CREBZF: variants seen among roughly 807,000 people sequenced by gnomAD.
CREBZF encodes the protein CREB/ATF bZIP transcription factor.
Under a neutral mutation model 21.1 loss-of-function variants are expected in CREBZF, and 8 were observed. The observed-to-expected ratio is 0.38, with a 90% CI of 0.22 to 0.68. The LOEUF is 0.68. Ranked by LOEUF, CREBZF falls within the 30% of genes least tolerant of loss-of-function variation. CREBZF has a pLI of 0.51. For missense variants in CREBZF, 518 were observed against 484.3 expected, an observed-to-expected ratio of 1.07 and a Z score of -0.65; for synonymous variants, 270 against 223.3, an observed-to-expected ratio of 1.21 and a Z score of -1.86.
rs2082699549 is a variant in CREBZF at position 85,662,020 on chromosome 11, C to T, written c.*1791G>A. ...ATTCAGTAGGCACTAAAAACCCATG[C>T]AGCTGCATTGTGAGGGGCTTGCTCC... On this transcript the variant is annotated 3_prime_UTR_variant, in exon 1 of 1. Coordinates refer to ENST00000527447, the MANE Select transcript of CREBZF (RefSeq NM_001039618.4). 6.3e-6 allele frequency: 1 copy of T among 159,978 alleles called. No homozygotes were observed. The highest frequency in any genetic ancestry group is 1.4e-5 in the Non-Finnish European group (1 of 72,518). The allele number at this position is 159,978 out of a possible 1,614,324, so 9.9% of individuals were successfully genotyped here.
intron 1 of CREBZF, among the ~76,000 whole-genome samples, chr11:85,673,306 G>A (rs2082924174): frequency 6.6e-6 from 1 of 152,152 alleles, no homozygotes. Flanking sequence ...AATGATAAAT[G>A]TACAGGCATA....
rs553072253 is a variant in CREBZF, at chr11:85,664,319, C to G, written c.557G>C (p.Arg186Pro). The G allele has an allele frequency of 2.2e-5, 35 of 1,611,912 alleles. 1 individual carries two copies. Among genetic ancestry groups the G allele is most frequent in the African/African-American group, 1.7e-4 (13 of 74,984 alleles). The stretch of plus-strand genomic sequence containing the variant: ...GCCGCCTCCTCCTGGGGACTTTCTC[C>G]GCCTCTTTTCGGCGCTGCCACTGTC... ...SSDSGSAEKR[R>P]RKSPGGGGGG... Residue 186 changes from arginine (R) to proline (P), a missense_variant, in exon 1 of 1, where the codon CGG (arginine) becomes CCG (proline). Transcript: ENST00000527447. This position sits in a 1 kb window ranked among gnomAD's most constrained non-coding sequence, Gnocchi z 5.5.
chr11:85,673,350 C>G (rs2082924438), intron 1 of CREBZF, among the ~76,000 whole-genome samples: 3 of 152,148 alleles, frequency 2.0e-5, no homozygotes, highest in Admixed American at 6.5e-5. Context: ...TTCCAGACCA[C>G]CACAATAAAG....
chr11:85,667,851 T>A (rs1208487375), upstream of CREBZF, among the ~76,000 whole-genome samples: 2 of 152,072 alleles, frequency 1.3e-5, no homozygotes, highest in African/African-American at 4.8e-5. Flanking sequence ...ATGCCTGTAA[T>A]CCCAGCTACT....
chr11:85,664,768 G>A lies in CREBZF; in HGVS notation c.108C>T (p.Thr36=), dbSNP rs762118747. ...TCTCCTCCTCCCCCGCTGCAGCCCG[G>A]GTCAGGTCAGAGGGCAGCGAACAAG... is the stretch of plus-strand genomic sequence containing the variant. ...AATCSLPSDL[T]RAAAGEEETA... Residue 36 remains threonine, a synonymous_variant, in exon 1 of 1, where the codon ACC becomes ACT. Coordinates refer to ENST00000527447, the MANE Select transcript of CREBZF (RefSeq NM_001039618.4). This position sits in a 1 kb window ranked among gnomAD's most constrained non-coding sequence, Gnocchi z 5.5. The A allele has an allele frequency of 3.7e-6, 6 of 1,606,350 alleles. No homozygotes were observed. The East Asian group carries it at 6.7e-5, about 18-fold the overall frequency.
chr11:85,679,809 C>G (rs1204622398), intron 1 of CREBZF, among the ~76,000 whole-genome samples: 1 of 152,212 alleles, frequency 6.6e-6, no homozygotes, highest in Non-Finnish European at 1.5e-5. Context: ...TTGGCTTTAT[C>G]TAAAATATGC....
chr11:85,668,433 T>C (rs2082886946), upstream of CREBZF, among the ~76,000 whole-genome samples: 1 of 152,216 alleles, frequency 6.6e-6, no homozygotes, highest in Non-Finnish European at 1.5e-5. Flanking sequence ...TATTTGTCTT[T>C]TCTGTTAAAT....
rs1386221059 is a variant in CREBZF at position 85,660,342 on chromosome 11, T to C, written c.*3469A>G. 5.0e-6 allele frequency: 1 copy of C among 199,710 alleles called. No individual in the cohort carries two copies. The highest frequency in any genetic ancestry group is 2.4e-5 in the African/African-American group (1 of 41,930). 12.4% of individuals were successfully genotyped at this position (199,710 alleles called of 1,614,324 possible). On this transcript the variant is annotated 3_prime_UTR_variant, in exon 1 of 1. Transcript: ENST00000527447. ...ACTCCCATGAAAGACAAAAAAAGTATAATTTTGTTCCAAGATTAACTTAGT... is the reference window on the plus strand; with the variant it reads ...ACTCCCATGAAAGACAAAAAAAGTACAATTTTGTTCCAAGATTAACTTAGT...
In CREBZF at chr11:85,661,285, T is replaced by G. The variant is rs2082670374; in HGVS notation, c.*2526A>C. 6.6e-6 allele frequency: 1 copy of G among 151,764 alleles called. No individual in the cohort carries two copies. The highest frequency in any genetic ancestry group is 2.4e-5 in the African/African-American group (1 of 41,118). 9.4% of individuals were successfully genotyped at this position (151,764 alleles called of 1,614,324 possible). Reference sequence around the variant, plus strand: ...ACCATGTAAAAACAAGACCATGAAGTTGATGTAAAAAATGACAAAATCACT... The same window carrying G: ...ACCATGTAAAAACAAGACCATGAAGGTGATGTAAAAAATGACAAAATCACT... On this transcript the variant is annotated 3_prime_UTR_variant, in exon 1 of 1. Transcript: ENST00000527447.
chr11:85,680,943 G>T lies in CREBZF; in HGVS notation n.147+1774C>A, dbSNP rs555473019. On this transcript the variant is annotated intron_variant and non_coding_transcript_variant, in intron 1 of 3. Coordinates refer to the CREBZF transcript ENST00000531515. The stretch of plus-strand genomic sequence containing the variant: ...TGCTGGCAGAGCCCTGCCTTTGCCA[G>T]GTAGTCCCGTCCACTATGTAGCACA... 9.8e-5 allele frequency among the ~76,000 whole-genome samples: 15 copies of T among 152,320 alleles called. No individual in the cohort carries two copies. In the South Asian group the frequency reaches 3.1e-3, roughly 32 times the overall value.
intron 1 of CREBZF, among the ~76,000 whole-genome samples, chr11:85,672,149 TGC>T: frequency 6.6e-6 from 1 of 152,276 alleles, no homozygotes; most frequent in Non-Finnish European, 1.5e-5. Context: ...GCTTGGGGCT[TGC>T]ACCCTCTGAA....
chr11:85,663,458 G>T lies in CREBZF; in HGVS notation c.*353C>A. 1 of 744,894 alleles carries T rather than the reference G, an allele frequency of 1.3e-6. No individual in the cohort carries two copies. The highest frequency in any genetic ancestry group is 2.4e-6 in the Non-Finnish European group (1 of 418,940). The allele number at this position is 744,894 out of a possible 1,614,324, so 46.1% of individuals were successfully genotyped here. The stretch of plus-strand genomic sequence containing the variant: ...AAAAAATCACACACACACAAACTGA[G>T]ATGTTGCCCATTAAAGTAGACAAAG... On this transcript the variant is annotated 3_prime_UTR_variant, in exon 1 of 1. Transcript: ENST00000527447.
In CREBZF at chr11:85,660,180, G is replaced by A. The variant is rs2082634617; in HGVS notation, c.*3631C>T. The A allele has an allele frequency of 6.2e-6, 1 of 161,942 alleles. No individual in the cohort carries two copies. Among genetic ancestry groups the A allele is most frequent in the South Asian group, 1.6e-4 (1 of 6,082 alleles). The allele number at this position is 161,942 out of a possible 1,614,324, so 10.0% of individuals were successfully genotyped here. A position where few individuals can be genotyped will look rare whatever the true frequency, so the allele number is the denominator to read the frequency against. On this transcript the variant is annotated 3_prime_UTR_variant, in exon 1 of 1. Coordinates refer to ENST00000527447, the MANE Select transcript of CREBZF (RefSeq NM_001039618.4). Reference sequence around the variant, plus strand: ...TATGCCTTGTGATCACTGATGGCCTGCTTATGTAATTCTAGTCCACTAAAT... The same window carrying A: ...TATGCCTTGTGATCACTGATGGCCTACTTATGTAATTCTAGTCCACTAAAT...
chr11:85,666,546 TTCTTAAA>T (rs1256506131), upstream of CREBZF, among the ~76,000 whole-genome samples: 1 of 152,246 alleles, frequency 6.6e-6, no homozygotes, highest in Admixed American at 6.5e-5. Flanking sequence ...GCTCTTCTAG[TTCTTAAA>T]TCTTAAAGAA....
chr11:85,679,821 G>A (rs747504128), intron 1 of CREBZF, among the ~76,000 whole-genome samples: 21 of 152,170 alleles, frequency 1.4e-4, no homozygotes, highest in Non-Finnish European at 3.1e-4. Flanking sequence ...AAAATATGCC[G>A]TGCCTACCCA....
rs777731820 is a variant in CREBZF, at chr11:85,664,210, T to G, written c.666A>C (p.Arg222=). 9.9e-6 allele frequency: 16 copies of G among 1,613,134 alleles called. No homozygotes were observed. The highest frequency in any genetic ancestry group is 1.3e-5 in the African/African-American group (1 of 74,908). Residue 222 remains arginine (R), a synonymous_variant, in exon 1 of 1, where the codon CGA becomes CGC. Transcript: ENST00000527447. This position sits in a 1 kb window ranked among gnomAD's most constrained non-coding sequence, Gnocchi z 5.5. The part of the protein sequence containing the change: ...KAAAAAARLN[R]LKKKEYVMGL... ...CCATCACGTACTCCTTCTTCTTCAGTCGATTAAGGCGGGCAGCGGCCGCCG... is the reference window on the plus strand; with the variant it reads ...CCATCACGTACTCCTTCTTCTTCAGGCGATTAAGGCGGGCAGCGGCCGCCG...
rs2082738132 is a variant in CREBZF at position 85,663,233 on chromosome 11, G to A, written c.*578C>T. The A allele has an allele frequency of 2.2e-6, 1 of 446,140 alleles. No homozygotes were observed. Among genetic ancestry groups the A allele is most frequent in the Admixed American group, 3.8e-5 (1 of 26,242 alleles). The allele number at this position is 446,140 out of a possible 1,614,324, so 27.6% of individuals were successfully genotyped here. ...ATAAGCAGGTTTCAGTGTACAGTTGGAACCGATGTCATCCAAGGCCATGTC... is the reference window on the plus strand; with the variant it reads ...ATAAGCAGGTTTCAGTGTACAGTTGAAACCGATGTCATCCAAGGCCATGTC... On this transcript the variant is annotated 3_prime_UTR_variant, in exon 1 of 1. Transcript: ENST00000527447.
Position 85,658,566 on chromosome 11 carries a change from A to G in CREBZF, c.*5245T>C, listed in dbSNP as rs1272231070. ...CTAACACCTGAAGTAAACTACCCTC[A>G]ATCAATTTTTATATTTCAGTCTAGT... is the stretch of plus-strand genomic sequence containing the variant. On this transcript the variant is annotated 3_prime_UTR_variant, in exon 1 of 1. Transcript: ENST00000527447. Among the ~76,000 whole-genome samples, 1 of 152,034 alleles carries G rather than the reference A, an allele frequency of 6.6e-6. No homozygotes were observed. The highest frequency in any genetic ancestry group is 1.5e-5 in the Non-Finnish European group (1 of 67,896).
rs922043794 is a variant in CREBZF at position 85,664,636 on chromosome 11, G to C, written c.240C>G (p.Pro80=). Residue 80 remains proline, a synonymous_variant, in exon 1 of 1, where the codon CCC becomes CCG. Transcript: ENST00000527447. This position sits in a 1 kb window ranked among gnomAD's most constrained non-coding sequence, Gnocchi z 5.5. ...RGGVAVRAPS[P]EEMEEEAIAS... ...CGATCGCCTCCTCCTCCATCTCCTC[G>C]GGGGAGGGCGCGCGCACGGCCACGC... The C allele has an allele frequency of 2.5e-6, 4 of 1,609,158 alleles. No homozygotes were observed. Among genetic ancestry groups the C allele is most frequent in the South Asian group, 1.1e-5 (1 of 90,808 alleles).
Sources: allele counts gnomAD v4.1 joint callset (sites outside exome capture counted in the v4.1 genomes callset), GRCh38; gene constraint gnomAD v4.1.1; non-coding constraint Gnocchi (gnomAD v3.1); transcripts MANE v1.5; gene names NCBI Gene and HGNC (gene_info 2026-07-23, HGNC 2026-07-21).